Variants in DDC observed in about 807,000 individuals in gnomAD.
DDC encodes aromatic-L-amino-acid decarboxylase.
Under a neutral mutation model 60.0 loss-of-function variants are expected in DDC, and 43 were observed. The ratio of observed to expected loss-of-function variants is 0.72; its 90% CI spans 0.56 to 0.92. DDC has a LOEUF of 0.92. Ranked by LOEUF, DDC falls within the 40% of genes least tolerant of loss-of-function variation. The probability of loss-of-function intolerance (pLI) is 0.00; values close to 1 mark genes in which losing one functional copy is unlikely to be tolerated. For synonymous variants in DDC, 232 were observed against 234.6 expected (o/e 0.99, Z 0.10); for missense variants, 573 against 620.2 (o/e 0.92, Z 0.81).
chr7:50,538,271 A>G (rs2153548631), intron 3 of DDC, among the ~76,000 whole-genome samples: 1 of 152,320 alleles, frequency 6.6e-6, no homozygotes, highest in East Asian at 1.9e-4. Flanking sequence ...CAGAAAGCCC[A>G]CTGGTGGACT....
intron 7 of DDC, among the ~76,000 whole-genome samples, chr7:50,501,369 C>A (rs1305619072): frequency 1.1e-4 from 17 of 152,224 alleles, no homozygotes; most frequent in Non-Finnish European, 2.2e-4. Flanking sequence ...CCATCGGCAA[C>A]CTAACTGACT....
intron 6 of DDC, among the ~76,000 whole-genome samples, chr7:50,522,461 A>C (rs766318942): frequency 6.6e-6 from 1 of 152,228 alleles, no homozygotes; most frequent in Non-Finnish European, 1.5e-5. Flanking sequence ...AGAATAGTCA[A>C]CATAATATTA....
At chr7:50,557,345 A>C (rs2045219038) in intron 1 of DDC, among the ~76,000 whole-genome samples, 1 of 152,206 alleles carries the variant, frequency 6.6e-6, no homozygotes, top group African/African-American at 2.4e-5. Context: ...TTCCACTCAT[A>C]TCTCTGTAAC....
chr7:50,539,840 G>T, intron 3 of DDC, 75 bp downstream of exon 3: 1 of 1,098,208 alleles, frequency 9.1e-7, no homozygotes, highest in Non-Finnish European at 1.4e-6. Context: ...GGTCCCTTGT[G>T]CATAGGTACC....
intron 11 of DDC, among the ~76,000 whole-genome samples, chr7:50,473,740 G>A (rs1237182188): frequency 6.6e-6 from 1 of 152,226 alleles, no homozygotes; most frequent in Non-Finnish European, 1.5e-5. Context: ...ATAGTGCCAG[G>A]GATCTCAGCA....
intron 6 of DDC, among the ~76,000 whole-genome samples, chr7:50,516,689 A>G (rs1207481929): frequency 2.0e-5 from 3 of 152,222 alleles, no homozygotes. Context: ...TAGCAAGATT[A>G]ACCAAGAAAA....
At position 50,484,884 on chromosome 7, in the gene DDC, C is replaced by T. The variant is rs1188257195; in HGVS notation, c.945-5021G>A. 6.6e-5 allele frequency among the ~76,000 whole-genome samples: 10 copies of T among 152,300 alleles called. No individual in the cohort carries two copies. The East Asian group carries it at 1.9e-3, about 29-fold the overall frequency. On this transcript the variant is annotated intron_variant, in intron 9 of 14. Transcript: ENST00000444124. Reference sequence around the variant, plus strand: ...GCTCACTGAATGAGCACTCACATGACCTCCTGGTCCCAATAACATCCATAA... The same window carrying T: ...GCTCACTGAATGAGCACTCACATGATCTCCTGGTCCCAATAACATCCATAA...
chr7:50,554,852 C>A (rs1380946488), intron 1 of DDC, among the ~76,000 whole-genome samples: 3 of 152,198 alleles, frequency 2.0e-5, no homozygotes, highest in Non-Finnish European at 4.4e-5. Context: ...AGAAACATCA[C>A]AGACTTCCTC....
chr7:50,473,338 C>T (rs1329847740), intron 11 of DDC, among the ~76,000 whole-genome samples: 4 of 152,198 alleles, frequency 2.6e-5, no homozygotes, highest in Non-Finnish European at 4.4e-5. Context: ...TGTGCTTTCC[C>T]GGTGGCTGCC....
intron 9 of DDC, chr7:50,493,124 A>G: frequency 2.4e-6 from 2 of 825,956 alleles, no homozygotes; most frequent in Non-Finnish European, 3.9e-6. Flanking sequence ...TCATCTGTAA[A>G]GAGAGCGTGG....
At chr7:50,556,845 C>T (rs1234005527) in intron 1 of DDC, among the ~76,000 whole-genome samples, 1 of 152,218 alleles carries the variant, frequency 6.6e-6, no homozygotes, top group Non-Finnish European at 1.5e-5. Flanking sequence ...CAGTCCTCCT[C>T]CTCCTCCTCC....
At chr7:50,461,343 C>T (rs2153532545) in intron 14 of DDC, among the ~76,000 whole-genome samples, 2 of 152,284 alleles carry the variant, frequency 1.3e-5, no homozygotes, top group South Asian at 4.1e-4. Context: ...GTAATAAACT[C>T]AAATAAGTAC....
At chr7:50,512,399 T>A (rs2043604371) in intron 6 of DDC, among the ~76,000 whole-genome samples, 2 of 152,300 alleles carry the variant, frequency 1.3e-5, no homozygotes, top group East Asian at 1.9e-4. Flanking sequence ...ACTGGCAGAA[T>A]CTGTTTGATG....
chr7:50,467,412 A>T (rs1197221749), intron 12 of DDC, 97 bp from the exon 13 acceptor site: 1 of 1,005,500 alleles, frequency 9.9e-7, no homozygotes, highest in East Asian at 2.5e-5. Flanking sequence ...TGTATAATTC[A>T]TTTAGACGCT....
At chr7:50,546,793 GAT>G (rs1268986852) in intron 1 of DDC, among the ~76,000 whole-genome samples, 1 of 152,244 alleles carries the variant, frequency 6.6e-6, no homozygotes, top group East Asian at 1.9e-4. Context: ...GAGTGGCAGT[GAT>G]TGAGACGTAA....
chr7:50,498,395 A>G (rs1025478487), intron 8 of DDC, among the ~76,000 whole-genome samples: 3 of 152,220 alleles, frequency 2.0e-5, no homozygotes, highest in Non-Finnish European at 4.4e-5. Context: ...TTCTCTTGGA[A>G]ACACTGCCAA....
chr7:50,543,212 A>T (rs965943922), intron 2 of DDC: 2 of 156,268 alleles, frequency 1.3e-5, no homozygotes, highest in Admixed American at 1.2e-4. Context: ...GGCCAGAGCC[A>T]CTTTAACCAA....
intron 6 of DDC, among the ~76,000 whole-genome samples, chr7:50,523,964 A>C (rs1303888127): frequency 6.6e-6 from 1 of 152,262 alleles, no homozygotes; most frequent in Admixed American, 6.5e-5. Context: ...TGGCGTGTTC[A>C]TATCAGAAAA....
rs757662816 is a variant in DDC, at chr7:50,463,285, G to C, written c.1389C>G (p.Ala463=). 7.4e-6 allele frequency: 12 copies of C among 1,614,226 alleles called. No homozygotes were observed. The highest frequency in any genetic ancestry group is 1.0e-5 in the Non-Finnish European group (12 of 1,180,036). ...CCGCCAGCTCTTTGATGTGTTCCCAGGCCCGCTGCACATGGGCAGATTCCA... is the reference window on the plus strand; with the variant it reads ...CCGCCAGCTCTTTGATGTGTTCCCACGCCCGCTGCACATGGGCAGATTCCA... ...RTVESAHVQR[A]WEHIKELAAD... The change falls in exon 14 of 15, where the codon GCC becomes GCG. Residue 463 remains alanine (A), a synonymous_variant. Coordinates refer to ENST00000444124, the MANE Select transcript of DDC (RefSeq NM_001082971.2).
Sources: allele counts gnomAD v4.1 joint callset (sites outside exome capture counted in the v4.1 genomes callset), GRCh38; gene constraint gnomAD v4.1.1; transcripts MANE v1.5; gene names NCBI Gene and HGNC (gene_info 2026-07-23, HGNC 2026-07-21).